The following KCNIP4 variants were observed in gnomAD, a reference collection of about 807,000 sequenced individuals.
KCNIP4 encodes potassium voltage-gated channel interacting protein 4.
KCNIP4 carries 12 observed loss-of-function variants against 34.0 expected under a neutral mutation model. The ratio of observed to expected loss-of-function variants is 0.35; its 90% CI spans 0.23 to 0.57. KCNIP4 has a LOEUF of 0.57. Ranked by LOEUF, KCNIP4 falls within the 20% of genes least tolerant of loss-of-function variation. The pLI is 0.83. For synonymous variants in KCNIP4, 124 were observed against 102.2 expected (o/e 1.21, Z -1.29); for missense variants, 238 against 311.7 (o/e 0.76, Z 1.78).
chr4:21,685,137 C>T (rs541620830), intron 1 of KCNIP4, among the ~76,000 whole-genome samples: 1 of 152,042 alleles, frequency 6.6e-6, no homozygotes, highest in East Asian at 1.9e-4. Flanking sequence ...TATGTTCTAC[C>T]TAATTTTGAA....
intron 1 of KCNIP4, among the ~76,000 whole-genome samples, chr4:20,915,415 C>T (rs1368763868): frequency 6.6e-6 from 1 of 152,100 alleles, no homozygotes; most frequent in African/African-American, 2.4e-5. Flanking sequence ...TATACTCAGA[C>T]TCAGCAAAAG....
chr4:21,082,732 G>A lies in KCNIP4; in HGVS notation c.62-200023C>T, dbSNP rs191412953. On this transcript the variant is annotated intron_variant, in intron 1 of 8. Coordinates refer to ENST00000382152, the MANE Select transcript of KCNIP4 (RefSeq NM_025221.6). ...AATTCAACTAGAACTGAAGAAGCTG[G>A]CTCTGAATCTGATTTGCTCTCCTCC... Among the ~76,000 whole-genome samples, 396 of 151,850 alleles carry A rather than the reference G, an allele frequency of 2.6e-3. 9 individuals are homozygous for A. The highest frequency in any genetic ancestry group is 9.3e-3 in the African/African-American group (384 of 41,278).
intron 1 of KCNIP4, among the ~76,000 whole-genome samples, chr4:21,626,669 G>C (rs1560573410): frequency 6.6e-6 from 1 of 152,016 alleles, no homozygotes; most frequent in Non-Finnish European, 1.5e-5. Context: ...CTTCATCAAT[G>C]GTGGTACCAA....
chr4:20,807,331 A>G (rs1222803289), intron 3 of KCNIP4, among the ~76,000 whole-genome samples: 1 of 152,178 alleles, frequency 6.6e-6, no homozygotes, highest in African/African-American at 2.4e-5. Context: ...TAGTGCAAAG[A>G]CAAGTGTGAA....
In KCNIP4 at chr4:21,773,316, G is replaced by T. The variant is rs181127672; in HGVS notation, c.61+175255C>A. Among the ~76,000 whole-genome samples, 334 of 152,280 alleles carry T rather than the reference G, an allele frequency of 2.2e-3. 1 individual carries two copies. Among genetic ancestry groups the T allele is most frequent in the Non-Finnish European group, 2.0e-3 (138 of 68,022 alleles). ...TGATTTCAGTTCTTTTGCGTTTGCT[G>T]TGGAGTGTTTTACTCCCAAGTATGT... is the stretch of plus-strand genomic sequence containing the variant. On this transcript the variant is annotated intron_variant, in intron 1 of 8. Transcript: ENST00000382152.
At chr4:20,948,544 C>T (rs1732440357) in intron 1 of KCNIP4, among the ~76,000 whole-genome samples, 1 of 152,198 alleles carries the variant, frequency 6.6e-6, no homozygotes, top group African/African-American at 2.4e-5. Flanking sequence ...AGCATGCTGG[C>T]TGCCAGCAAA....
rs1051037660 is a variant in KCNIP4, at chr4:21,519,822, C to T, written c.61+428749G>A. ...ACACGTGTGTGTATGTGTGTGTATACACACGTGTGTGTATGTGTGTGTATA... is the reference window on the plus strand; with the variant it reads ...ACACGTGTGTGTATGTGTGTGTATATACACGTGTGTGTATGTGTGTGTATA... On this transcript the variant is annotated intron_variant, in intron 1 of 8. Coordinates refer to ENST00000382152, the MANE Select transcript of KCNIP4 (RefSeq NM_025221.6). Among the ~76,000 whole-genome samples, 6 of 138,082 alleles carry T rather than the reference C, an allele frequency of 4.3e-5. No individual in the cohort carries two copies. The East Asian group carries it at 8.7e-4, about 20-fold the overall frequency. The allele number at this position is 138,082 out of a possible 152,430, so 90.6% of individuals were successfully genotyped here.
At chr4:21,117,960 T>C (rs1161863931) in intron 1 of KCNIP4, among the ~76,000 whole-genome samples, 3 of 152,148 alleles carry the variant, frequency 2.0e-5, no homozygotes, top group African/African-American at 7.2e-5. Flanking sequence ...AAGCACCAAT[T>C]TGTTATGTGT....
At chr4:21,074,617 T>G (rs1259773379) in intron 1 of KCNIP4, among the ~76,000 whole-genome samples, 5 of 152,066 alleles carry the variant, frequency 3.3e-5, no homozygotes, top group Non-Finnish European at 7.4e-5. Context: ...TTTTGAAGGG[T>G]TTTTTGTGTC....
chr4:20,989,699 T>A (rs1736907194), intron 1 of KCNIP4, among the ~76,000 whole-genome samples: 1 of 152,136 alleles, frequency 6.6e-6, no homozygotes, highest in African/African-American at 2.4e-5. Flanking sequence ...CCAGGCACTG[T>A]GACTCATGCC....
chr4:21,860,255 T>C (rs1724993913), intron 1 of KCNIP4, among the ~76,000 whole-genome samples: 1 of 152,116 alleles, frequency 6.6e-6, no homozygotes, highest in African/African-American at 2.4e-5. Flanking sequence ...TGCCTCAGCC[T>C]CCCAAGTAGC....
At chr4:20,822,441 T>C (rs1023075897) in intron 3 of KCNIP4, among the ~76,000 whole-genome samples, 6 of 152,248 alleles carry the variant, frequency 3.9e-5, no homozygotes, top group African/African-American at 1.4e-4. Context: ...TTGGTGAGGA[T>C]TGGTGAAAAG....
chr4:21,406,137 G>A (rs571361314), intron 1 of KCNIP4, among the ~76,000 whole-genome samples: 4 of 152,202 alleles, frequency 2.6e-5, no homozygotes, highest in South Asian at 2.1e-4. Context: ...ACCTGGCCCC[G>A]TCATCTTTTA....
intron 1 of KCNIP4, among the ~76,000 whole-genome samples, chr4:21,430,857 C>A (rs1215479500): frequency 2.8e-5 from 4 of 143,902 alleles, no homozygotes; most frequent in Non-Finnish European, 4.4e-5. Flanking sequence ...TAAATTGGAT[C>A]ATGGAATACG....
intron 1 of KCNIP4, among the ~76,000 whole-genome samples, chr4:21,073,583 C>T (rs1297743392): frequency 6.6e-6 from 1 of 152,188 alleles, no homozygotes; most frequent in East Asian, 1.9e-4. Flanking sequence ...CATCTGCAAA[C>T]AGGGACAATT....
chr4:21,666,427 G>A (rs1419749418), intron 1 of KCNIP4, among the ~76,000 whole-genome samples: 3 of 152,140 alleles, frequency 2.0e-5, no homozygotes, highest in Non-Finnish European at 2.9e-5. Context: ...AACAGTTTAT[G>A]AGAGAAAAGA....
chr4:21,831,006 C>T (rs901905268), intron 1 of KCNIP4, among the ~76,000 whole-genome samples: 2 of 152,060 alleles, frequency 1.3e-5, no homozygotes, highest in Non-Finnish European at 2.9e-5. Flanking sequence ...AGGAGAAATC[C>T]TGGAAAATTC....
chr4:21,880,582 T>G (rs940526360), intron 1 of KCNIP4, among the ~76,000 whole-genome samples: 4 of 152,232 alleles, frequency 2.6e-5, no homozygotes, highest in African/African-American at 9.6e-5. Flanking sequence ...TTATACAGGT[T>G]GAATTAAGTT....
At chr4:21,059,204 A>T (rs1451731157) in intron 1 of KCNIP4, among the ~76,000 whole-genome samples, 1 of 152,124 alleles carries the variant, frequency 6.6e-6, no homozygotes, top group Non-Finnish European at 1.5e-5. Flanking sequence ...GACACCACAG[A>T]ACTCCCTGAG....
Sources: allele counts gnomAD v4.1 joint callset (sites outside exome capture counted in the v4.1 genomes callset), GRCh38; gene constraint gnomAD v4.1.1; transcripts MANE v1.5; gene names NCBI Gene and HGNC (gene_info 2026-07-23, HGNC 2026-07-21).